The following SLC38A4 variants were observed in gnomAD, a reference collection of about 807,000 sequenced individuals.
SLC38A4 encodes sodium-coupled neutral amino acid transporter 4.
A neutral mutation model predicts 63.1 loss-of-function variants in SLC38A4; 20 were observed. The ratio of observed to expected loss-of-function variants is 0.32; its 90% CI spans 0.22 to 0.46. The LOEUF (loss-of-function observed/expected upper bound fraction) is 0.46. Ranked by LOEUF, SLC38A4 falls within the 20% of genes least tolerant of loss-of-function variation. SLC38A4 has a pLI of 1.00. For synonymous variants in SLC38A4, 230 were observed against 225.5 expected (o/e 1.02, Z -0.18); for missense variants, 526 against 663.6 (o/e 0.79, Z 2.28).
intron 2 of SLC38A4, among the ~76,000 whole-genome samples, chr12:46,794,290 T>G (rs1203407474): frequency 6.6e-6 from 1 of 152,034 alleles, no homozygotes; most frequent in Non-Finnish European, 1.5e-5. Flanking sequence ...CATCCTCAAA[T>G]TACAAAACAT....
In SLC38A4 at chr12:46,775,135, C is replaced by G. The variant is rs779917701; in HGVS notation, c.1213G>C (p.Val405Leu). The G allele has an allele frequency of 6.2e-7, 1 of 1,612,390 alleles. No individual in the cohort carries two copies. Among genetic ancestry groups the G allele is most frequent in the Non-Finnish European group, 8.5e-7 (1 of 1,179,044 alleles). ...AGAAGAGGGATGTCTAATGTATACA[C>G]TTTGCTGTAGGCATGAAGTAATTCA... ...EDELLHAYSKVYTLDIPLLMV... is the reference protein window; with the variant it reads ...EDELLHAYSKLYTLDIPLLMV... Residue 405 changes from valine to leucine, a missense_variant, in exon 14 of 17, where the codon GTG (valine) becomes CTG (leucine). Val to Leu is a conservative substitution (Grantham distance 32). Transcript: ENST00000266579.
At chr12:46,790,519 A>G (rs916462348) in intron 3 of SLC38A4, among the ~76,000 whole-genome samples, 1 of 152,210 alleles carries the variant, frequency 6.6e-6, no homozygotes, top group African/African-American at 2.4e-5. Flanking sequence ...CTGAGATGAC[A>G]GGATAAAATG....
chr12:46,829,269 C>T (rs78857679), upstream of SLC38A4, among the ~76,000 whole-genome samples: 2,218 of 152,252 alleles, frequency 0.015, 20 homozygotes, highest in Middle Eastern at 0.034. Flanking sequence ...TACCTCTTAT[C>T]CTTCCTGCAG....
chr12:46,814,492 TC>T (rs1221790828), intron 1 of SLC38A4, among the ~76,000 whole-genome samples: 2 of 151,936 alleles, frequency 1.3e-5, no homozygotes, highest in African/African-American at 2.4e-5. Flanking sequence ...TTTGGGTTAA[TC>T]TTTTTTGTGA....
intron 2 of SLC38A4, among the ~76,000 whole-genome samples, chr12:46,801,171 A>G (rs937962190): frequency 2.0e-5 from 3 of 152,134 alleles, no homozygotes; most frequent in Non-Finnish European, 2.9e-5. Flanking sequence ...GAATATTATT[A>G]TATTAGAATA....
At chr12:46,788,719 G>A (rs2120816662) in intron 3 of SLC38A4, 101 bp from the exon 4 acceptor site, 1 of 1,074,442 alleles carries the variant, frequency 9.3e-7, no homozygotes, top group Non-Finnish European at 1.4e-6. Context: ...ATCAGAGGAG[G>A]GGAAATAAGA....
chr12:46,831,229 C>T (rs1939727399), intron 1 of SLC38A4, among the ~76,000 whole-genome samples: 1 of 152,174 alleles, frequency 6.6e-6, no homozygotes, highest in South Asian at 2.1e-4. Flanking sequence ...GCTGCCTGGG[C>T]GCACAGCTGG....
chr12:46,771,734 C>A (rs933598588), intron 14 of SLC38A4, among the ~76,000 whole-genome samples: 3 of 152,004 alleles, frequency 2.0e-5, no homozygotes, highest in Non-Finnish European at 4.4e-5. Flanking sequence ...CTGGTCATTC[C>A]ATGTTAAAGT....
intron 5 of SLC38A4, among the ~76,000 whole-genome samples, chr12:46,787,147 G>A (rs1460066884): frequency 6.6e-6 from 1 of 152,172 alleles, no homozygotes. Context: ...AAAGTACGTA[G>A]GTTTAGGAAT....
chr12:46,831,132 C>T (rs1290360196), intron 1 of SLC38A4, among the ~76,000 whole-genome samples: 1 of 152,194 alleles, frequency 6.6e-6, no homozygotes, highest in Non-Finnish European at 1.5e-5. Flanking sequence ...GGGAGATTCG[C>T]CGTTTTCCCC....
rs752633797 is a variant in SLC38A4 at position 46,778,268 on chromosome 12, C to G, written c.1073+21G>C. ...CAGAATTTCAAAGCAAATTAGAATG[C>G]TAAAATGATGGCTGCCTTACTCTTT... On this transcript the variant is annotated intron_variant, in intron 12 of 16. Transcript: ENST00000266579. 2.5e-6 allele frequency: 4 copies of G among 1,609,730 alleles called. No homozygotes were observed. In the East Asian group the frequency reaches 6.7e-5, roughly 27 times the overall value.
chr12:46,808,650 T>A (rs1939283154), intron 1 of SLC38A4, among the ~76,000 whole-genome samples: 1 of 152,034 alleles, frequency 6.6e-6, no homozygotes, highest in South Asian at 2.1e-4. Flanking sequence ...CAATGAAAAG[T>A]ATCACAAGTT....
In SLC38A4 at chr12:46,779,784, A is replaced by T. The variant is rs1186746382; in HGVS notation, c.654T>A (p.Asn218Lys). 6.2e-7 allele frequency: 1 copy of T among 1,606,444 alleles called. No homozygotes were observed. Among genetic ancestry groups the T allele is most frequent in the Non-Finnish European group, 8.5e-7 (1 of 1,177,278 alleles). Residue 218 changes from asparagine (N) to lysine (K), a missense_variant, in exon 9 of 17, where the codon AAT (asparagine) becomes AAA (lysine). Coordinates refer to ENST00000266579, the MANE Select transcript of SLC38A4 (RefSeq NM_018018.5). Reference protein sequence around the residue: ...GIILPLSLLKNLGYLGYTSGF... With the variant: ...GIILPLSLLKKLGYLGYTSGF... ...CCAGTTAGAAAATATCTTTACCTAA[A>T]TTTTTAAGGAGCGAAAGTGGAAGAA... is the stretch of plus-strand genomic sequence containing the variant.
intron 16 of SLC38A4, among the ~76,000 whole-genome samples, chr12:46,767,142 G>A (rs1439169372): frequency 6.6e-6 from 1 of 151,942 alleles, no homozygotes; most frequent in Admixed American, 6.6e-5. Context: ...GTGAAAAAGA[G>A]CAGGTTAAAA....
chr12:46,777,143 T>C, intron 12 of SLC38A4, 139 bp from the exon 13 acceptor site: 4 of 693,264 alleles, frequency 5.8e-6, no homozygotes, highest in South Asian at 2.0e-5. Context: ...TTATAGCTGA[T>C]TTAAATTTGT....
At chr12:46,827,703 G>T (rs924592506), upstream of SLC38A4, among the ~76,000 whole-genome samples, 2 of 152,172 alleles carry the variant, frequency 1.3e-5, no homozygotes, top group Middle Eastern at 3.4e-3. Context: ...TTTGGATTTT[G>T]TTGTATGTTT....
intron 2 of SLC38A4, among the ~76,000 whole-genome samples, chr12:46,802,819 ACCATC>A (rs1939158865): frequency 6.6e-6 from 1 of 151,958 alleles, no homozygotes; most frequent in Non-Finnish European, 1.5e-5. Context: ...TTTAACTAAA[ACCATC>A]CACATATGCT....
At chr12:46,774,360 C>T (rs535781900) in intron 14 of SLC38A4, among the ~76,000 whole-genome samples, 1 of 152,010 alleles carries the variant, frequency 6.6e-6, no homozygotes, top group South Asian at 2.1e-4. Context: ...AGGGTGAAGA[C>T]CTGTGTTTAT....
At chr12:46,807,048 G>A (rs1939248148) in intron 1 of SLC38A4, among the ~76,000 whole-genome samples, 1 of 151,872 alleles carries the variant, frequency 6.6e-6, no homozygotes, top group South Asian at 2.1e-4. Context: ...CAGTGGGAGA[G>A]ATAAACTGTT....
Sources: allele counts gnomAD v4.1 joint callset (sites outside exome capture counted in the v4.1 genomes callset), GRCh38; gene constraint gnomAD v4.1.1; transcripts MANE v1.5; gene names NCBI Gene and HGNC (gene_info 2026-07-23, HGNC 2026-07-21).